The following TTC38 variants were observed in gnomAD, a reference collection of about 807,000 sequenced individuals.
TTC38 encodes the protein tetratricopeptide repeat protein 38.
Under a neutral mutation model 64.2 loss-of-function variants are expected in TTC38, and 64 were observed. The observed-to-expected ratio is 1.00, with a 90% confidence interval of 0.81 to 1.23. TTC38 has a LOEUF of 1.23. TTC38 is among the 50% of genes most tolerant of loss of function. TTC38 has a pLI of 0.00. For synonymous variants in TTC38, 254 were observed against 249.3 expected (o/e 1.02, Z -0.18); for missense variants, 573 against 615.5 (o/e 0.93, Z 0.73).
intron 13 of TTC38, among the ~76,000 whole-genome samples, chr22:46,290,735 T>TG: frequency 6.6e-6 from 1 of 152,050 alleles, no homozygotes; most frequent in Non-Finnish European, 1.5e-5. Context: ...ATGAGAGTGC[T>TG]GGGGGAACTC....
rs750336897 is a variant in TTC38, at chr22:46,288,587, G to A, written c.1081G>A (p.Glu361Lys). ...ELLTTLRDAS[E>K]SPGENCQHLL... ...GCTGACCACCCTGCGGGACGCCAGC[G>A]AGTATGCAGAGGGGCCTTCTCGGGG... Residue 361 changes from glutamate (E) to lysine (K), a missense_variant and splice_region_variant, in exon 11 of 14, where the codon GAA becomes AAA. By Grantham distance (56) the Glu-to-Lys change is moderately conservative. This residue lies in a region of TTC38 where 371 missense variants were observed against 381.8 expected (regional missense o/e 0.97). Transcript: ENST00000381031. 8 of 1,613,136 alleles carry A rather than the reference G, an allele frequency of 5.0e-6. No homozygotes were observed. The highest frequency in any genetic ancestry group is 4.0e-5 in the African/African-American group (3 of 74,904).
At chr22:46,269,547 G>T (rs1025212840) in intron 2 of TTC38, among the ~76,000 whole-genome samples, 1 of 152,202 alleles carries the variant, frequency 6.6e-6, no homozygotes, top group Admixed American at 6.5e-5. Context: ...TGACCTTGGC[G>T]TGGGTGGTGA....
chr22:46,290,500 G>C (rs1352015076), intron 13 of TTC38, among the ~76,000 whole-genome samples: 1 of 147,928 alleles, frequency 6.8e-6, no homozygotes, highest in Non-Finnish European at 1.5e-5. Context: ...GTGAGTGTTA[G>C]GGTGGCATGG....
At chr22:46,277,330 C>T (rs1000499817) in intron 5 of TTC38, among the ~76,000 whole-genome samples, 3 of 152,058 alleles carry the variant, frequency 2.0e-5, no homozygotes, top group East Asian at 1.9e-4. Flanking sequence ...GTGGGCGGGA[C>T]GCAATGGCTC....
chr22:46,288,746 A>G (rs550701800), intron 11 of TTC38, among the ~76,000 whole-genome samples, 158 bp downstream of exon 11: 1 of 152,020 alleles, frequency 6.6e-6, no homozygotes, highest in East Asian at 1.9e-4. Flanking sequence ...ACCCCTATAG[A>G]TGTGCATCCC....
Position 46,283,974 on chromosome 22 carries a change from A to T in TTC38, c.737A>T (p.Asp246Val). ...TTCTCTTTTTTTTTTTTTCTCCAGGACTCTGATATGTTGGCTTGTCATAAC... is the reference window on the plus strand; with the variant it reads ...TTCTCTTTTTTTTTTTTTCTCCAGGTCTCTGATATGTTGGCTTGTCATAAC... ...FMQHSETFWK[D>V]SDMLACHNYW... is the part of the protein sequence containing the mutation. Residue 246 changes from aspartate (D) to valine (V), a missense_variant and splice_region_variant, in exon 8 of 14, where the codon GAC becomes GTC. This residue lies in a region of TTC38 where 371 missense variants were observed against 381.8 expected (regional missense o/e 0.97). Coordinates refer to ENST00000381031, the MANE Select transcript of TTC38 (RefSeq NM_017931.4). 1.3e-6 allele frequency: 2 copies of T among 1,521,528 alleles called. No homozygotes were observed. The highest frequency in any genetic ancestry group is 1.1e-5 in the South Asian group (1 of 87,604). The allele number at this position is 1,521,528 out of a possible 1,614,324, so 94.3% of individuals were successfully genotyped here.
chr22:46,280,780 C>A (rs527694981), intron 6 of TTC38, among the ~76,000 whole-genome samples: 1 of 152,140 alleles, frequency 6.6e-6, no homozygotes, highest in Non-Finnish European at 1.5e-5. Context: ...CTATGAAAGG[C>A]GTGGGGAGAC....
intron 10 of TTC38, among the ~76,000 whole-genome samples, chr22:46,288,021 G>T (rs1278188361): frequency 6.6e-6 from 1 of 152,148 alleles, no homozygotes; most frequent in African/African-American, 2.4e-5. Context: ...CCCACCTGTG[G>T]GAAGGGCAGG....
At chr22:46,286,442 C>G (rs1393792492) in intron 9 of TTC38, among the ~76,000 whole-genome samples, 1 of 152,032 alleles carries the variant, frequency 6.6e-6, no homozygotes, top group African/African-American at 2.4e-5. Flanking sequence ...AGGTAGATCA[C>G]CTGAGGTCAG....
rs1043199914 is a variant in TTC38, at chr22:46,292,560, A to T, written c.1317-231A>T. On this transcript the variant is annotated intron_variant, in intron 13 of 13. Coordinates refer to ENST00000381031, the MANE Select transcript of TTC38 (RefSeq NM_017931.4). This position sits in a 1 kb window ranked among gnomAD's most constrained non-coding sequence, Gnocchi z 6.5. ...TCAAACCTGGGTTTTCCCCACTGCC[A>T]CCTGTTGTGCCCCATCTCGGGTGTG... Among the ~76,000 whole-genome samples the T allele has an allele frequency of 1.7e-4, 26 of 151,922 alleles. No individual in the cohort carries two copies. The highest frequency in any genetic ancestry group is 6.3e-4 in the African/African-American group (26 of 41,344).
At chr22:46,288,382 AGCCTCACTC>A in intron 10 of TTC38, 32 bp from the exon 11 acceptor site, 2 of 1,587,728 alleles carry the variant, frequency 1.3e-6, no homozygotes, top group Non-Finnish European at 1.7e-6. Context: ...CATGCCCCAG[AGCCTCACTC>A]CAGGCCCTGG....
intron 9 of TTC38, among the ~76,000 whole-genome samples, chr22:46,285,490 A>G (rs890777897): frequency 6.6e-6 from 1 of 151,834 alleles, no homozygotes; most frequent in Non-Finnish European, 1.5e-5. Context: ...GCCCTGCTCA[A>G]CTCGAGGGTG....
Position 46,292,728 on chromosome 22 carries a change from A to G in TTC38, c.1317-63A>G. On this transcript the variant is annotated intron_variant, in intron 13 of 13. Coordinates refer to ENST00000381031, the MANE Select transcript of TTC38 (RefSeq NM_017931.4). The surrounding 1 kb of genome is among the most constrained non-coding windows in gnomAD (Gnocchi z 6.5). Reference sequence around the variant, plus strand: ...CTGTGTTCTGCCTTGGGACCAAGGGACCACCAGGCCCCACATCCCTCTAGA... The same window carrying G: ...CTGTGTTCTGCCTTGGGACCAAGGGGCCACCAGGCCCCACATCCCTCTAGA... 1 of 1,427,128 alleles carries G rather than the reference A, an allele frequency of 7.0e-7. No homozygotes were observed. The highest frequency in any genetic ancestry group is 9.9e-7 in the Non-Finnish European group (1 of 1,012,968). 88.4% of individuals were successfully genotyped at this position (1,427,128 alleles called of 1,614,324 possible).
intron 10 of TTC38, among the ~76,000 whole-genome samples, chr22:46,287,430 G>T (rs939892880): frequency 6.6e-6 from 1 of 152,248 alleles, no homozygotes; most frequent in African/African-American, 2.4e-5. Context: ...GGCACCTGCT[G>T]TGCTGTTCCC....
Position 46,291,060 on chromosome 22 carries a change from G to T in TTC38, c.1316+1161G>T, listed in dbSNP as rs901645793. ...CACCAGCGCAGCTCCCTCCAGGCAG[G>T]GTTACCCAAACTGAGCTGTACAGGT... is the stretch of plus-strand genomic sequence containing the variant. On this transcript the variant is annotated intron_variant, in intron 13 of 13. Coordinates refer to ENST00000381031, the MANE Select transcript of TTC38 (RefSeq NM_017931.4). The surrounding 1 kb of genome is among the most constrained non-coding windows in gnomAD (Gnocchi z 4.6). Among the ~76,000 whole-genome samples, 1 of 152,170 alleles carries T rather than the reference G, an allele frequency of 6.6e-6. No individual in the cohort carries two copies. The highest frequency in any genetic ancestry group is 1.5e-5 in the Non-Finnish European group (1 of 68,038).
chr22:46,274,603 C>T lies in TTC38; in HGVS notation c.365+534C>T, dbSNP rs539977102. Among the ~76,000 whole-genome samples the T allele has an allele frequency of 1.3e-5, 2 of 152,282 alleles. No homozygotes were observed. Among genetic ancestry groups the T allele is most frequent in the Non-Finnish European group, 2.9e-5 (2 of 68,034 alleles). The stretch of plus-strand genomic sequence containing the variant: ...CGATTGTGCAGGGACTCAGGGATTC[C>T]GAACCCTGAGACTGGGGAGGTGCGG... On this transcript the variant is annotated intron_variant, in intron 4 of 13. Transcript: ENST00000381031. This position sits in a 1 kb window ranked among gnomAD's most constrained non-coding sequence, Gnocchi z 4.8.
In TTC38 at chr22:46,292,337, C is replaced by T. The variant is rs1034244102; in HGVS notation, c.1317-454C>T. ...GTGCAGGGATTACAGGGGTGAGCCA[C>T]CACACCTATCTCTTCTTATAAGGGC... On this transcript the variant is annotated intron_variant, in intron 13 of 13. Coordinates refer to ENST00000381031, the MANE Select transcript of TTC38 (RefSeq NM_017931.4). The surrounding 1 kb of genome is among the most constrained non-coding windows in gnomAD (Gnocchi z 6.5). 1 of 354,162 alleles carries T rather than the reference C, an allele frequency of 2.8e-6. No individual in the cohort carries two copies. The highest frequency in any genetic ancestry group is 5.6e-6 in the Non-Finnish European group (1 of 179,852). 21.9% of individuals were successfully genotyped at this position (354,162 alleles called of 1,614,324 possible). A position where few individuals can be genotyped will look rare whatever the true frequency, so the allele number is the denominator to read the frequency against.
In TTC38 at chr22:46,287,050, G is replaced by C; in HGVS notation, c.835-23G>C. On this transcript the variant is annotated intron_variant, in intron 9 of 13. Coordinates refer to ENST00000381031, the MANE Select transcript of TTC38 (RefSeq NM_017931.4). ...ATCATCTGGGCCACCCGCTGAGCCC[G>C]CCTTGGCCGCCCTGTCTTCCAGATC... The C allele has an allele frequency of 1.9e-6, 3 of 1,582,406 alleles. No homozygotes were observed. In the African/African-American group the frequency reaches 4.0e-5, roughly 21 times the overall value.
Position 46,289,875 on chromosome 22 carries a change from C to T in TTC38, c.1292C>T (p.Ser431Phe). ...ATTCACGCGGCCTTAAACTGCACCT[C>T]CAGCGTCCATAAGAACGTAGCCCGG... is the stretch of plus-strand genomic sequence containing the variant. ...LLIHAALNCT[S>F]SVHKNVARSL... The change falls in exon 13 of 14, where the codon TCC (serine) becomes TTC (phenylalanine). Residue 431 changes from serine to phenylalanine, a missense_variant. By Grantham distance (155) the Ser-to-Phe change is radical. Coordinates refer to ENST00000381031, the MANE Select transcript of TTC38 (RefSeq NM_017931.4). 1 of 1,614,196 alleles carries T rather than the reference C, an allele frequency of 6.2e-7. No individual in the cohort carries two copies. Among genetic ancestry groups the T allele is most frequent in the Non-Finnish European group, 8.5e-7 (1 of 1,180,030 alleles).
Sources: gnomAD v4.1 joint callset for allele counts (sites outside exome capture counted in the v4.1 genomes callset) on GRCh38, gnomAD v4.1.1 for gene constraint, gnomAD v4.1.1 regional missense constraint, Gnocchi (gnomAD v3.1) non-coding constraint, MANE v1.5 for transcripts, NCBI Gene and HGNC (gene_info 2026-07-23, HGNC 2026-07-21) for gene names.